The following UBE2E2 variants were observed in gnomAD, a reference collection of about 807,000 sequenced individuals.
UBE2E2 encodes ubiquitin-conjugating enzyme E2 E2.
A neutral mutation model predicts 24.7 loss-of-function variants in UBE2E2; 6 were observed. That is an observed-to-expected ratio of 0.24 (90% confidence interval 0.13 to 0.48). The LOEUF (loss-of-function observed/expected upper bound fraction) is 0.48. Among genes scored for constraint, UBE2E2 ranks in the 20% least tolerant of loss-of-function variants. The pLI, the probability that UBE2E2 is intolerant of heterozygous loss-of-function variation, is 0.99. For synonymous variants in UBE2E2, 104 were observed against 83.6 expected (o/e 1.24, Z -1.33); for missense variants, 169 against 245.0 (o/e 0.69, Z 2.07).
intron 3 of UBE2E2, among the ~76,000 whole-genome samples, chr3:23,380,037 C>G (rs1412665485): frequency 7.1e-6 from 1 of 141,416 alleles, no homozygotes; most frequent in African/African-American, 2.6e-5. Flanking sequence ...AAAACTGTTA[C>G]TTTACCTTGA....
At position 23,208,838 on chromosome 3, in the gene UBE2E2, A is replaced by C. The variant is rs762910966; in HGVS notation, c.139A>C (p.Ser47Arg). The C allele has an allele frequency of 6.8e-6, 11 of 1,613,426 alleles. No individual in the cohort carries two copies. The South Asian group carries it at 1.2e-4, about 18-fold the overall frequency. Residue 47 changes from serine to arginine, a missense_variant, in exon 2 of 6, where the codon AGC (serine) becomes CGC (arginine). Transcript: ENST00000396703. ...QPKKKEGKIS[S>R]KTAAKLSTSA... ...CAAGAAAAAGGAGGGAAAAATATCC[A>C]GCAAAACCGCTGCTAAATTGTCAAC...
At chr3:23,223,919 G>C (rs541608997) in intron 3 of UBE2E2, among the ~76,000 whole-genome samples, 1 of 151,976 alleles carries the variant, frequency 6.6e-6, no homozygotes, top group Non-Finnish European at 1.5e-5. Flanking sequence ...TTCCCATTGC[G>C]TGTTATTGAT....
chr3:23,566,080 T>A (rs9942016), intron 5 of UBE2E2, among the ~76,000 whole-genome samples: 6,354 of 152,284 alleles, frequency 0.042, 448 homozygotes, highest in African/African-American at 0.14. Flanking sequence ...TGCCATGTAT[T>A]TTCCCTTTTT....
intron 3 of UBE2E2, among the ~76,000 whole-genome samples, chr3:23,285,310 G>A (rs1411710264): frequency 6.6e-6 from 1 of 152,084 alleles, no homozygotes; most frequent in Admixed American, 6.5e-5. Context: ...CCAAATCTTT[G>A]CTATCGTGAA....
At chr3:23,237,070 T>C (rs1362363951) in intron 3 of UBE2E2, among the ~76,000 whole-genome samples, 1 of 152,190 alleles carries the variant, frequency 6.6e-6, no homozygotes, top group East Asian at 1.9e-4. Flanking sequence ...ACATAGCCTC[T>C]TGGTTAGTTA....
intron 3 of UBE2E2, among the ~76,000 whole-genome samples, chr3:23,283,509 A>T (rs895247182): frequency 6.6e-6 from 1 of 152,150 alleles, no homozygotes; most frequent in African/African-American, 2.4e-5. Flanking sequence ...CCGAGGTGGG[A>T]TCGCTTGAGC....
chr3:23,436,879 G>T (rs966492194), intron 3 of UBE2E2, among the ~76,000 whole-genome samples: 5 of 152,166 alleles, frequency 3.3e-5, no homozygotes, highest in African/African-American at 4.8e-5. Flanking sequence ...CACAGTTAGG[G>T]AATGTTTCAC....
intron 3 of UBE2E2, among the ~76,000 whole-genome samples, chr3:23,428,469 GCTT>G (rs1440796548): frequency 2.6e-5 from 4 of 152,106 alleles, no homozygotes; most frequent in Non-Finnish European, 5.9e-5. Flanking sequence ...AGTAATCTAA[GCTT>G]CTACCTTAGA....
chr3:23,209,500 A>G (rs988845271), intron 2 of UBE2E2, among the ~76,000 whole-genome samples: 54 of 152,214 alleles, frequency 3.5e-4, no homozygotes, highest in African/African-American at 1.2e-3. Flanking sequence ...GTTACATTAT[A>G]GAATATCTCT....
At chr3:23,270,857 G>A (rs1217253978) in intron 3 of UBE2E2, 8 of 453,552 alleles carry the variant, frequency 1.8e-5, no homozygotes, top group Non-Finnish European at 3.1e-5. Context: ...GGGAAATCTA[G>A]TGTTTAATTA....
At chr3:23,522,474 T>C (rs1694892071) in intron 4 of UBE2E2, among the ~76,000 whole-genome samples, 1 of 152,154 alleles carries the variant, frequency 6.6e-6, no homozygotes, top group Non-Finnish European at 1.5e-5. Context: ...AAATTTCTGT[T>C]TTGCTTTTTT....
intron 3 of UBE2E2, among the ~76,000 whole-genome samples, chr3:23,267,855 C>G (rs1170400003): frequency 6.7e-6 from 1 of 149,026 alleles, no homozygotes; most frequent in South Asian, 2.2e-4. Flanking sequence ...AGCTTATCCA[C>G]CATGATCAAG....
At chr3:23,389,165 G>A (rs3104242) in intron 3 of UBE2E2, among the ~76,000 whole-genome samples, 127,282 of 152,188 alleles carry the variant, frequency 0.84, 53,289 homozygotes, top group African/African-American at 0.89. Flanking sequence ...AATAATCTAT[G>A]TTTTTTTGTC....
chr3:23,303,067 C>G (rs891477055), intron 3 of UBE2E2, among the ~76,000 whole-genome samples: 4 of 152,132 alleles, frequency 2.6e-5, no homozygotes, highest in Non-Finnish European at 4.4e-5. Flanking sequence ...AGCTCTGCCT[C>G]CCGTCAGATC....
At chr3:23,215,858 A>G (rs988806837) in intron 2 of UBE2E2, among the ~76,000 whole-genome samples, 3 of 152,172 alleles carry the variant, frequency 2.0e-5, no homozygotes, top group African/African-American at 7.2e-5. Flanking sequence ...TGTCTGTTGT[A>G]TACTTTTGTG....
intron 5 of UBE2E2, among the ~76,000 whole-genome samples, chr3:23,584,979 T>C (rs1343057344): frequency 6.6e-6 from 1 of 151,934 alleles, no homozygotes; most frequent in East Asian, 1.9e-4. Flanking sequence ...ATAGAGGAAG[T>C]AGAGGTGAGT....
intron 3 of UBE2E2, among the ~76,000 whole-genome samples, chr3:23,268,900 A>G (rs1163427728): frequency 6.6e-6 from 1 of 152,202 alleles, no homozygotes; most frequent in Non-Finnish European, 1.5e-5. Context: ...ATAACGCCAC[A>G]TATCTACAAC....
intron 3 of UBE2E2, among the ~76,000 whole-genome samples, chr3:23,455,872 G>T (rs1023848530): frequency 6.6e-6 from 1 of 152,104 alleles, no homozygotes; most frequent in Non-Finnish European, 1.5e-5. Flanking sequence ...ATAAAACAAC[G>T]ATGAAATTTG....
intron 3 of UBE2E2, among the ~76,000 whole-genome samples, chr3:23,434,560 T>C (rs1347361045): frequency 6.6e-6 from 1 of 152,164 alleles, no homozygotes; most frequent in Non-Finnish European, 1.5e-5. Context: ...TTTAAATAGT[T>C]ATAAATTTTC....
Sources: allele counts gnomAD v4.1 joint callset (sites outside exome capture counted in the v4.1 genomes callset), GRCh38; gene constraint gnomAD v4.1.1; transcripts MANE v1.5; gene names NCBI Gene and HGNC (gene_info 2026-07-23, HGNC 2026-07-21).